Variants in DIAPH3 observed in about 807,000 individuals in gnomAD.
DIAPH3 encodes protein diaphanous homolog 3.
Under a neutral mutation model 144.3 loss-of-function variants are expected in DIAPH3, and 117 were observed. The ratio of observed to expected loss-of-function variants is 0.81; its 90% confidence interval spans 0.70 to 0.95. The LOEUF is 0.95. DIAPH3 is among the 40% of genes least tolerant of loss of function. DIAPH3 has a pLI of 0.00. For missense variants in DIAPH3, 1,421 were observed against 1,412.7 expected, an observed-to-expected ratio of 1.01 and a Z score of -0.09; for synonymous variants, 519 against 488.9, an observed-to-expected ratio of 1.06 and a Z score of -0.81.
intron 27 of DIAPH3, among the ~76,000 whole-genome samples, chr13:59,697,995 A>AT (rs987431176): frequency 4.3e-4 from 66 of 152,132 alleles, no homozygotes; most frequent in South Asian, 2.3e-3. Context: ...CACTCCTGGC[A>AT]TTTTTTTTAC....
At chr13:59,975,170 T>C (rs1040155526) in intron 14 of DIAPH3, among the ~76,000 whole-genome samples, 19 of 151,618 alleles carry the variant, frequency 1.3e-4, no homozygotes, top group Admixed American at 7.3e-4. Flanking sequence ...TCCTTTTTGC[T>C]CACAAACACA....
chr13:60,096,670 C>G (rs1339689162), intron 3 of DIAPH3, among the ~76,000 whole-genome samples: 6 of 152,152 alleles, frequency 3.9e-5, no homozygotes, highest in Non-Finnish European at 8.8e-5. Flanking sequence ...AACAAAAAGG[C>G]AGAAGAAAGG....
In DIAPH3 at chr13:60,010,694, T is replaced by C. The variant is rs200272038; in HGVS notation, c.772-25A>G. The C allele has an allele frequency of 2.7e-5, 44 of 1,606,778 alleles. No homozygotes were observed. In the Admixed American group the frequency reaches 5.7e-4, roughly 21 times the overall value. ...ACTATAATATTTTGAAAATAAGAGG[T>C]CAAATGTTAGAAATTAGTTAGAAAA... On this transcript the variant is annotated intron_variant, in intron 7 of 27. Coordinates refer to ENST00000400324, the MANE Select transcript of DIAPH3 (RefSeq NM_001042517.2).
intron 25 of DIAPH3, among the ~76,000 whole-genome samples, chr13:59,803,191 C>T (rs2040028136): frequency 6.6e-6 from 1 of 152,106 alleles, no homozygotes; most frequent in South Asian, 2.1e-4. Flanking sequence ...GAGTTTTCCA[C>T]ATTGTGATAA....
chr13:59,671,138 T>C (rs1463841920), intron 27 of DIAPH3, among the ~76,000 whole-genome samples: 1 of 152,238 alleles, frequency 6.6e-6, no homozygotes, highest in Admixed American at 6.5e-5. Context: ...AACATGCACT[T>C]AGTTTCTAAA....
chr13:59,939,599 G>C (rs1352969578), intron 17 of DIAPH3, among the ~76,000 whole-genome samples: 1 of 152,130 alleles, frequency 6.6e-6, no homozygotes, highest in Non-Finnish European at 1.5e-5. Flanking sequence ...TTCTGGAAAG[G>C]AAACCCAAGC....
intron 5 of DIAPH3, among the ~76,000 whole-genome samples, chr13:60,025,628 G>C (rs1029512646): frequency 6.6e-6 from 1 of 151,498 alleles, no homozygotes; most frequent in Non-Finnish European, 1.5e-5. Flanking sequence ...GCTAAAATGA[G>C]GTCAAAGAAA....
At chr13:59,737,495 A>G (rs1415166573) in intron 27 of DIAPH3, among the ~76,000 whole-genome samples, 2 of 152,234 alleles carry the variant, frequency 1.3e-5, no homozygotes, top group African/African-American at 4.8e-5. Flanking sequence ...ATTGTTAAAC[A>G]AAATCAGCAT....
At chr13:59,790,265 A>C (rs1327626371) in intron 25 of DIAPH3, among the ~76,000 whole-genome samples, 2 of 152,308 alleles carry the variant, frequency 1.3e-5, no homozygotes, top group East Asian at 3.9e-4. Context: ...TCCAGGGGTT[A>C]TTCTTTGATA....
chr13:59,930,960 C>G (rs2047991064), intron 17 of DIAPH3, among the ~76,000 whole-genome samples: 1 of 152,084 alleles, frequency 6.6e-6, no homozygotes, highest in Admixed American at 6.6e-5. Context: ...CTCTTGAACT[C>G]CAGACTTGAA....
chr13:59,935,267 T>G (rs1190879093), intron 17 of DIAPH3, among the ~76,000 whole-genome samples: 1 of 152,066 alleles, frequency 6.6e-6, no homozygotes, highest in Non-Finnish European at 1.5e-5. Flanking sequence ...CTGGAAATAA[T>G]CCCCTGCAAA....
chr13:59,710,954 T>G (rs1236161334), intron 27 of DIAPH3, among the ~76,000 whole-genome samples: 2 of 152,122 alleles, frequency 1.3e-5, no homozygotes, highest in Non-Finnish European at 2.9e-5. Flanking sequence ...ACAAAAACAC[T>G]CAGAGGATGT....
chr13:59,992,355 T>A (rs753330848), intron 10 of DIAPH3, 118 bp downstream of exon 10: 1 of 1,114,716 alleles, frequency 9.0e-7, no homozygotes. Context: ...AAAATAGATT[T>A]TTTAACTCAA....
chr13:59,762,050 ATCTT>A (rs1310029661), intron 27 of DIAPH3, among the ~76,000 whole-genome samples: 9 of 118,990 alleles, frequency 7.6e-5, no homozygotes, highest in Non-Finnish European at 1.5e-4. Context: ...AAGCGTCAGC[ATCTT>A]TTTTTTTTTT....
chr13:59,806,396 G>A (rs947301536), intron 25 of DIAPH3, among the ~76,000 whole-genome samples: 4 of 151,960 alleles, frequency 2.6e-5, no homozygotes, highest in Admixed American at 6.6e-5. Context: ...AGCACATATA[G>A]TACAGCTTAT....
At chr13:59,975,671 A>T (rs2050637941) in intron 14 of DIAPH3, among the ~76,000 whole-genome samples, 1 of 152,044 alleles carries the variant, frequency 6.6e-6, no homozygotes. Flanking sequence ...CTTAAATTTC[A>T]TTACAAAAAC....
chr13:59,917,030 T>G (rs1017894826), intron 18 of DIAPH3, among the ~76,000 whole-genome samples: 2 of 152,182 alleles, frequency 1.3e-5, no homozygotes, highest in Non-Finnish European at 2.9e-5. Context: ...TACTATTATG[T>G]TTTTACATTC....
chr13:59,992,086 T>C lies in DIAPH3; in HGVS notation c.1226A>G (p.Asp409Gly). Reference protein sequence around the residue: ...DLFELSHRLEDIRAELDEAYD... With the variant: ...DLFELSHRLEGIRAELDEAYD... ...AGGATATTCAAGTTCAGCTCTAATA[T>C]CTTCAAGGCGATGGGATAACTCAAA... Residue 409 changes from aspartate to glycine, a missense_variant, in exon 11 of 28, where the codon GAT (aspartate) becomes GGT (glycine). Asp to Gly is a moderately conservative substitution (Grantham distance 94). Transcript: ENST00000400324. 6.2e-7 allele frequency: 1 copy of C among 1,611,734 alleles called. No homozygotes were observed. The highest frequency in any genetic ancestry group is 1.1e-5 in the South Asian group (1 of 91,030).
At chr13:59,989,344 C>T (rs1293707815) in intron 12 of DIAPH3, among the ~76,000 whole-genome samples, 1 of 151,578 alleles carries the variant, frequency 6.6e-6, no homozygotes, top group Non-Finnish European at 1.5e-5. Context: ...CTGACACAAT[C>T]TTGGAATAAA....
Sources: gnomAD v4.1 joint callset for allele counts (sites outside exome capture counted in the v4.1 genomes callset) on GRCh38, gnomAD v4.1.1 for gene constraint, MANE v1.5 for transcripts, NCBI Gene and HGNC (gene_info 2026-07-23, HGNC 2026-07-21) for gene names.